SPAG9: variants seen among roughly 807,000 people sequenced by gnomAD.
SPAG9 encodes the protein sperm associated antigen 9.
Under a neutral mutation model 166.5 loss-of-function variants are expected in SPAG9, and 35 were observed. The observed-to-expected ratio is 0.21, with a 90% CI of 0.16 to 0.28. The LOEUF (loss-of-function observed/expected upper bound fraction) is 0.28. Among genes scored for constraint, SPAG9 ranks in the 10% least tolerant of loss-of-function variants. SPAG9 has a pLI of 1.00. For synonymous variants in SPAG9, 534 were observed against 565.5 expected, an observed-to-expected ratio of 0.94 and a Z score of 0.79; for missense variants, 1,235 against 1,603.3, an observed-to-expected ratio of 0.77 and a Z score of 3.92.
intron 2 of SPAG9, among the ~76,000 whole-genome samples, chr17:51,066,826 G>A (rs890590725): frequency 4.6e-5 from 7 of 151,234 alleles, no homozygotes; most frequent in Non-Finnish European, 7.4e-5. Context: ...TGGGAGGTGG[G>A]GGCTGCAGTG....
At chr17:51,059,176 T>C (rs2047437187) in intron 2 of SPAG9, among the ~76,000 whole-genome samples, 2 of 152,038 alleles carry the variant, frequency 1.3e-5, no homozygotes, top group Admixed American at 6.6e-5. Flanking sequence ...ACAAAACTAA[T>C]CTGAAATGTT....
At chr17:51,093,902 T>A (rs920207604) in intron 1 of SPAG9, among the ~76,000 whole-genome samples, 16 of 151,840 alleles carry the variant, frequency 1.1e-4, no homozygotes, top group African/African-American at 3.9e-4. Context: ...ACACAGGAAA[T>A]AAGAGGTTTG....
rs867929763 is a variant in SPAG9 at position 51,112,674 on chromosome 17, A to C, written c.303+7680T>G. 7.4e-3 allele frequency among the ~76,000 whole-genome samples: 974 copies of C among 132,340 alleles called. 9 individuals carry two copies. The highest frequency in any genetic ancestry group is 0.034 in the African/African-American group (896 of 26,240). 86.8% of individuals were successfully genotyped at this position (132,340 alleles called of 152,430 possible). A position where few individuals can be genotyped will look rare whatever the true frequency, so the allele number is the denominator to read the frequency against. On this transcript the variant is annotated intron_variant, in intron 1 of 29. Coordinates refer to ENST00000262013, the MANE Select transcript of SPAG9 (RefSeq NM_001130528.3). ...ACAGAGCCAGACTCTGTCTCAACAA[A>C]AAAAAAAAAAAAAAAAAAAAAAAAA... is the stretch of plus-strand genomic sequence containing the variant.
Position 51,095,811 on chromosome 17 carries a change from GAT to G in SPAG9, c.304-16109_304-16108del, listed in dbSNP as rs955026967. On this transcript the variant is annotated intron_variant, in intron 1 of 29. Transcript: ENST00000262013. ...ATATACGTATAGTGATATATAGTGA[GAT>G]ATATATAGGGAGAGATATAGAGATA... Among the ~76,000 whole-genome samples, 151 of 135,528 alleles carry G rather than the reference GAT, an allele frequency of 1.1e-3. 1 individual carries two copies. The highest frequency in any genetic ancestry group is 3.6e-3 in the African/African-American group (140 of 38,892). The allele number at this position is 135,528 out of a possible 152,430, so 88.9% of individuals were successfully genotyped here.
intron 13 of SPAG9, among the ~76,000 whole-genome samples, chr17:51,000,679 C>T (rs563561108): frequency 6.6e-6 from 1 of 151,914 alleles, no homozygotes; most frequent in South Asian, 2.1e-4. Context: ...TTGCAGTGAG[C>T]CGAGATCACA....
intron 1 of SPAG9, among the ~76,000 whole-genome samples, chr17:51,088,003 C>T (rs916716141): frequency 1.3e-5 from 2 of 152,186 alleles, no homozygotes; most frequent in Admixed American, 6.5e-5. Context: ...CCTCAGCCTC[C>T]CAAAGTGCTG....
Position 50,963,064 on chromosome 17 carries a change from G to C in SPAG9, c.*3208C>G, listed in dbSNP as rs1009589929. On this transcript the variant is annotated 3_prime_UTR_variant, in exon 30 of 30. Coordinates refer to ENST00000262013, the MANE Select transcript of SPAG9 (RefSeq NM_001130528.3). ...GATTTTAACCTGCATTTAAGAGTAA[G>C]TGTTAGGTTGAGGCATATGATATTG... The C allele has an allele frequency of 2.0e-5, 3 of 152,222 alleles. No homozygotes were observed. The highest frequency in any genetic ancestry group is 1.5e-5 in the Non-Finnish European group (1 of 68,040). 9.4% of individuals were successfully genotyped at this position (152,222 alleles called of 1,614,324 possible). A position where few individuals can be genotyped will look rare whatever the true frequency, so the allele number is the denominator to read the frequency against.
chr17:51,048,762 A>C (rs1220741052), intron 3 of SPAG9, among the ~76,000 whole-genome samples: 1 of 152,230 alleles, frequency 6.6e-6, no homozygotes, highest in African/African-American at 2.4e-5. Flanking sequence ...GATGCATGAA[A>C]TAAAACAAAT....
Position 51,037,689 on chromosome 17 carries a change from T to TA in SPAG9, c.741+3811_741+3812insT, listed in dbSNP as rs1568028348. Reference sequence around the variant, plus strand: ...TTTATATATATATATATATATAGTGTGTGTGTGTGTGTGTGTGTGTGTGTG... The same window carrying TA: ...TTTATATATATATATATATATAGTGTAGTGTGTGTGTGTGTGTGTGTGTGTG... On this transcript the variant is annotated intron_variant, in intron 5 of 29. Transcript: ENST00000262013. 5.1e-4 allele frequency among the ~76,000 whole-genome samples: 42 copies of TA among 82,606 alleles called. 1 individual carries two copies. The South Asian group carries it at 0.013, about 26-fold the overall frequency. The allele number at this position is 82,606 out of a possible 152,430, so 54.2% of individuals were successfully genotyped here.
At chr17:50,983,525 A>C (rs114622165) in intron 24 of SPAG9, among the ~76,000 whole-genome samples, 1 of 152,236 alleles carries the variant, frequency 6.6e-6, no homozygotes, top group Non-Finnish European at 1.5e-5. Context: ...CATTAAACTC[A>C]TATTGAGTTT....
At chr17:51,068,419 A>T (rs1402086865) in intron 2 of SPAG9, among the ~76,000 whole-genome samples, 1 of 152,206 alleles carries the variant, frequency 6.6e-6, no homozygotes, top group African/African-American at 2.4e-5. Context: ...ACAGAGTAGG[A>T]TAACTTCAAA....
chr17:51,096,572 C>T (rs2048654202), intron 1 of SPAG9, among the ~76,000 whole-genome samples: 1 of 152,016 alleles, frequency 6.6e-6, no homozygotes, highest in Non-Finnish European at 1.5e-5. Flanking sequence ...ACCTGGCATC[C>T]TATTTCTAAA....
In SPAG9 at chr17:51,021,166, A is replaced by T; in HGVS notation, c.983T>A (p.Val328Glu). The change falls in exon 7 of 30, where the codon GTA becomes GAA. Residue 328 changes from valine (V) to glutamate (E), a missense_variant. Around this residue, in one of 6 missense-constraint regions of SPAG9, gnomAD observed 288 missense variants for 323.7 expected, o/e 0.89. Coordinates refer to ENST00000262013, the MANE Select transcript of SPAG9 (RefSeq NM_001130528.3). ...EVQVAQETRN[V>E]STGSAENEEK... ...GAACTAGGGTCACTCACCAGTAGAT[A>T]CATTTCTAGTTTCCTGGGCTACCTG... 5.0e-6 allele frequency: 8 copies of T among 1,613,558 alleles called. No homozygotes were observed. Among genetic ancestry groups the T allele is most frequent in the Non-Finnish European group, 6.8e-6 (8 of 1,179,526 alleles).
chr17:51,001,617 G>T, intron 13 of SPAG9, 98 bp downstream of exon 13: 2 of 1,166,170 alleles, frequency 1.7e-6, no homozygotes, highest in Non-Finnish European at 1.2e-6. Flanking sequence ...AGAGAAAGGG[G>T]CTTGGATCTT....
chr17:50,976,676 AG>A (rs1333145580), intron 27 of SPAG9: 7 of 153,336 alleles, frequency 4.6e-5, no homozygotes, highest in African/African-American at 9.6e-5. Context: ...ATAGATGGAA[AG>A]GCTTGCTGAA....
At chr17:51,028,466 G>GT (rs1431208460) in intron 6 of SPAG9, among the ~76,000 whole-genome samples, 3 of 152,054 alleles carry the variant, frequency 2.0e-5, no homozygotes, top group African/African-American at 7.2e-5. Flanking sequence ...TATTTTTACT[G>GT]TATCTTTTCT....
intron 1 of SPAG9, among the ~76,000 whole-genome samples, chr17:51,105,756 G>C (rs1380886945): frequency 6.6e-6 from 1 of 151,994 alleles, no homozygotes; most frequent in East Asian, 1.9e-4. Context: ...TGTAGTCCCA[G>C]CTACTCAGGA....
At chr17:51,090,487 C>T (rs1021949086) in intron 1 of SPAG9, among the ~76,000 whole-genome samples, 4 of 151,986 alleles carry the variant, frequency 2.6e-5, no homozygotes, top group Non-Finnish European at 5.9e-5. Context: ...GCCTGGGCAA[C>T]AGAGCAAGAC....
At chr17:51,073,136 G>C (rs913780181) in intron 2 of SPAG9, among the ~76,000 whole-genome samples, 1 of 152,128 alleles carries the variant, frequency 6.6e-6, no homozygotes, top group Non-Finnish European at 1.5e-5. Context: ...GGCCAGCCTG[G>C]CTAACACGGT....
Sources: allele counts gnomAD v4.1 joint callset (sites outside exome capture counted in the v4.1 genomes callset), GRCh38; gene constraint gnomAD v4.1.1; regional missense constraint gnomAD v4.1.1; transcripts MANE v1.5; gene names NCBI Gene and HGNC (gene_info 2026-07-23, HGNC 2026-07-21).